PPHLN1: variants seen among roughly 807,000 people sequenced by gnomAD.
PPHLN1 encodes periphilin-1.
A neutral mutation model predicts 51.3 loss-of-function variants in PPHLN1; 29 were observed. The ratio of observed to expected loss-of-function variants is 0.57; its 90% CI spans 0.42 to 0.77. PPHLN1 has a LOEUF of 0.77. Ranked by LOEUF, PPHLN1 falls within the 30% of genes least tolerant of loss-of-function variation. The pLI is 0.00. For missense variants in PPHLN1, 436 were observed against 438.4 expected, an observed-to-expected ratio of 0.99 and a Z score of 0.05; for synonymous variants, 147 against 147.8, an observed-to-expected ratio of 0.99 and a Z score of 0.04.
chr12:42,376,829 C>T (rs2076307788), intron 5 of PPHLN1, among the ~76,000 whole-genome samples: 1 of 151,964 alleles, frequency 6.6e-6, no homozygotes, highest in Non-Finnish European at 1.5e-5. Flanking sequence ...AAGCCACTTC[C>T]ATATATATAT....
chr12:42,372,322 G>A (rs1307001700), intron 4 of PPHLN1, among the ~76,000 whole-genome samples: 1 of 152,144 alleles, frequency 6.6e-6, no homozygotes, highest in Non-Finnish European at 1.5e-5. Context: ...TCCCCCAAGT[G>A]TATCCTGCCA....
chr12:42,358,553 T>C (rs1304818472), intron 4 of PPHLN1, among the ~76,000 whole-genome samples: 1 of 152,068 alleles, frequency 6.6e-6, no homozygotes, highest in African/African-American at 2.4e-5. Flanking sequence ...ACCACACCCA[T>C]CTATTTTATT....
intron 9 of PPHLN1, among the ~76,000 whole-genome samples, chr12:42,421,861 T>A (rs999128897): frequency 6.6e-6 from 1 of 152,156 alleles, no homozygotes; most frequent in Admixed American, 6.5e-5. Context: ...GGAGTTTTTT[T>A]TTTTGGTGTA....
intron 3 of PPHLN1, among the ~76,000 whole-genome samples, chr12:42,352,472 C>T (rs531651456): frequency 4.6e-5 from 7 of 150,814 alleles, no homozygotes; most frequent in South Asian, 4.2e-4. Flanking sequence ...TGCAGTGGCG[C>T]GATCTCGGCT....
At chr12:42,437,281 T>C (rs2082562965) in intron 9 of PPHLN1, among the ~76,000 whole-genome samples, 1 of 152,198 alleles carries the variant, frequency 6.6e-6, no homozygotes, top group African/African-American at 2.4e-5. Context: ...AACACCATTT[T>C]CTACTACTCC....
At chr12:42,424,284 GTAT>G (rs1566004120) in intron 9 of PPHLN1, among the ~76,000 whole-genome samples, 1 of 152,190 alleles carries the variant, frequency 6.6e-6, no homozygotes, top group East Asian at 1.9e-4. Flanking sequence ...TAAAGGCAAA[GTAT>G]TGAAAATTTG....
At chr12:42,391,774 TG>T in intron 7 of PPHLN1, among the ~76,000 whole-genome samples, 1 of 152,326 alleles carries the variant, frequency 6.6e-6, no homozygotes, top group South Asian at 2.1e-4. Flanking sequence ...GACACGGCTT[TG>T]GAATGAGCTG....
chr12:42,368,212 TTTTTTC>T (rs2075456609), intron 4 of PPHLN1, among the ~76,000 whole-genome samples: 1 of 152,186 alleles, frequency 6.6e-6, no homozygotes, highest in African/African-American at 2.4e-5. Flanking sequence ...TTACAAATTT[TTTTTTC>T]TTACAGTTGT....
chr12:42,373,256 A>G (rs972647317), intron 4 of PPHLN1, among the ~76,000 whole-genome samples: 3 of 152,218 alleles, frequency 2.0e-5, no homozygotes, highest in Non-Finnish European at 2.9e-5. Flanking sequence ...CTGGCTAACC[A>G]GTGCTGTTGG....
rs2082317877 is a variant in PPHLN1 at position 42,434,606 on chromosome 12, T to C, written c.910-6709T>C. Among the ~76,000 whole-genome samples the C allele has an allele frequency of 2.0e-5, 3 of 152,284 alleles. No individual in the cohort carries two copies. The South Asian group carries it at 6.2e-4, about 32-fold the overall frequency. Reference sequence around the variant, plus strand: ...CAGTTGGTGTCTGCTGGGGAACTGATGTGTGGGCATGCCAGAAGTGAAGTG... The same window carrying C: ...CAGTTGGTGTCTGCTGGGGAACTGACGTGTGGGCATGCCAGAAGTGAAGTG... On this transcript the variant is annotated intron_variant, in intron 9 of 9. Coordinates refer to ENST00000358314, the MANE Select transcript of PPHLN1 (RefSeq NM_201439.2).
chr12:42,446,031 A>G, downstream of PPHLN1: 1 of 1,549,804 alleles, frequency 6.5e-7, no homozygotes, highest in Non-Finnish European at 8.7e-7. Flanking sequence ...CTAGGACCCA[A>G]CCAAGTACCA....
At chr12:42,414,679 A>G (rs2080209690) in intron 9 of PPHLN1, among the ~76,000 whole-genome samples, 1 of 152,160 alleles carries the variant, frequency 6.6e-6, no homozygotes, top group African/African-American at 2.4e-5. Context: ...AGTCTTTTGG[A>G]GGAGTCTTCA....
At chr12:42,348,729 G>T (rs1335200419) in intron 2 of PPHLN1, among the ~76,000 whole-genome samples, 1 of 152,062 alleles carries the variant, frequency 6.6e-6, no homozygotes, top group African/African-American at 2.4e-5. Context: ...TTGGAATTTG[G>T]AGAAGTCAGT....
At chr12:42,376,446 G>T (rs2076272316) in intron 5 of PPHLN1, among the ~76,000 whole-genome samples, 1 of 152,110 alleles carries the variant, frequency 6.6e-6, no homozygotes, top group Non-Finnish European at 1.5e-5. Context: ...TTGGATACAG[G>T]TATATTAATG....
At chr12:42,441,202 T>C (rs2082923287) in intron 9 of PPHLN1, 113 bp from the exon 10 acceptor site, 2 of 1,385,724 alleles carry the variant, frequency 1.4e-6, no homozygotes, top group African/African-American at 2.9e-5. Flanking sequence ...TTCCGCTTTC[T>C]TTTTTGTGTC....
intron 9 of PPHLN1, among the ~76,000 whole-genome samples, chr12:42,436,537 A>G (rs559033149): frequency 1.3e-5 from 2 of 152,190 alleles, no homozygotes; most frequent in Non-Finnish European, 2.9e-5. Flanking sequence ...CCACTCCTAT[A>G]TAAAAGCAAA....
chr12:42,396,347 C>T (rs1409209349), intron 8 of PPHLN1, among the ~76,000 whole-genome samples: 1 of 151,930 alleles, frequency 6.6e-6, no homozygotes, highest in East Asian at 1.9e-4. Context: ...TTTAAATTCA[C>T]TAAATATGCA....
intron 4 of PPHLN1, among the ~76,000 whole-genome samples, chr12:42,367,541 A>G (rs767870798): frequency 6.6e-6 from 1 of 152,112 alleles, no homozygotes; most frequent in Non-Finnish European, 1.5e-5. Flanking sequence ...TGATTAGAGG[A>G]GATCATTTGC....
rs145927533 is a variant in PPHLN1 at position 42,377,168 on chromosome 12, ATTC to A, written c.511+2101_511+2103del. Among the ~76,000 whole-genome samples, 1,089 of 151,912 alleles carry A rather than the reference ATTC, an allele frequency of 7.2e-3. 41 individuals are homozygous for A. The East Asian group carries it at 0.09, about 13-fold the overall frequency. On this transcript the variant is annotated intron_variant, in intron 5 of 9. Transcript: ENST00000358314. ...TGTCTTTTATGTGTGGCCCAAGATG[ATTC>A]TTCTTCCAGCACACCCCAGGGAAGC...
Sources: gnomAD v4.1 joint callset for allele counts (sites outside exome capture counted in the v4.1 genomes callset) on GRCh38, gnomAD v4.1.1 for gene constraint, MANE v1.5 for transcripts, NCBI Gene and HGNC (gene_info 2026-07-23, HGNC 2026-07-21) for gene names.